LIG1: variants seen among roughly 807,000 people sequenced by gnomAD.
The protein encoded by LIG1 is ligase I, DNA, ATP-dependent.
A neutral mutation model predicts 115.7 loss-of-function variants in LIG1; 70 were observed. The ratio of observed to expected loss-of-function variants is 0.60; its 90% confidence interval spans 0.50 to 0.74. The LOEUF is 0.74. LIG1 is among the 30% of genes least tolerant of loss of function. The pLI is 0.00. For synonymous variants in LIG1, 487 were observed against 495.3 expected, an observed-to-expected ratio of 0.98 and a Z score of 0.22; for missense variants, 1,115 against 1,225.6, an observed-to-expected ratio of 0.91 and a Z score of 1.35.
intron 1 of LIG1, among the ~76,000 whole-genome samples, chr19:48,166,000 G>T (rs147738459): frequency 6.6e-6 from 1 of 152,170 alleles, no homozygotes; most frequent in East Asian, 1.9e-4. Context: ...AATTGTACCC[G>T]CTGGTCTACA....
intron 4 of LIG1, among the ~76,000 whole-genome samples, chr19:48,157,537 GTTTTAT>G (rs1409668617): frequency 6.6e-6 from 1 of 151,898 alleles, no homozygotes; most frequent in Non-Finnish European, 1.5e-5. Flanking sequence ...TCTTCGTATA[GTTTTAT>G]TTTTATTTAT....
intron 3 of LIG1, 80 bp downstream of exon 3, chr19:48,162,182 A>G: frequency 2.2e-6 from 3 of 1,352,898 alleles, no homozygotes; most frequent in South Asian, 1.2e-5. Context: ...GACATTTTGC[A>G]TTAGGTTTGA....
chr19:48,117,255 G>A (rs1234583305), intron 26 of LIG1, among the ~76,000 whole-genome samples: 2 of 151,798 alleles, frequency 1.3e-5, no homozygotes, highest in African/African-American at 2.4e-5. Flanking sequence ...CGCCTCCCAG[G>A]TTCAAGCGAT....
chr19:48,123,719 G>A, intron 21 of LIG1: 1 of 313,170 alleles, frequency 3.2e-6, no homozygotes, highest in South Asian at 2.9e-5. Context: ...CTGAATTCAA[G>A]CGACTGTCTT....
intron 12 of LIG1, among the ~76,000 whole-genome samples, chr19:48,138,844 G>C (rs1015999816): frequency 6.6e-6 from 1 of 152,202 alleles, no homozygotes; most frequent in African/African-American, 2.4e-5. Context: ...GACCCCGTGT[G>C]TGCTGGGTCT....
At position 48,132,840 on chromosome 19, in the gene LIG1, T is replaced by C. The variant is rs891638109; in HGVS notation, c.1725+142A>G. 5 of 523,550 alleles carry C rather than the reference T, an allele frequency of 9.6e-6. No individual in the cohort carries two copies. The African/African-American group carries it at 1.3e-4, about 13-fold the overall frequency. The allele number at this position is 523,550 out of a possible 1,614,324, so 32.4% of individuals were successfully genotyped here. Reference sequence around the variant, plus strand: ...AAAGAACACACTCACTGCATGGAGGTGGATGCTGAAGCCCAGAGAGATGAG... The same window carrying C: ...AAAGAACACACTCACTGCATGGAGGCGGATGCTGAAGCCCAGAGAGATGAG... On this transcript the variant is annotated intron_variant, in intron 18 of 27. Transcript: ENST00000263274.
intron 12 of LIG1, 95 bp downstream of exon 12, chr19:48,139,876 G>T: frequency 1.4e-6 from 2 of 1,409,464 alleles, no homozygotes; most frequent in Non-Finnish European, 1.0e-6. Flanking sequence ...CTGTTTCACA[G>T]CCTCTCTCCA....
chr19:48,161,595 G>A (rs749516694), intron 3 of LIG1, 88 bp from the exon 4 acceptor site: 14 of 1,466,730 alleles, frequency 9.5e-6, no homozygotes, highest in Middle Eastern at 1.7e-4. Flanking sequence ...TTTCTTTGCT[G>A]TTTCCTTCCC....
rs573801920 is a variant in LIG1 at position 48,152,110 on chromosome 19, T to G, written c.467-771A>C. Among the ~76,000 whole-genome samples the G allele has an allele frequency of 5.3e-5, 8 of 152,168 alleles. No homozygotes were observed. In the South Asian group the frequency reaches 1.7e-3, roughly 32 times the overall value. ...TTTACAATAAAATTTGTACTAAAAA[T>G]TGTCAATAAGAAATCAAATCTTTTT... On this transcript the variant is annotated intron_variant, in intron 6 of 27. Transcript: ENST00000263274.
At chr19:48,120,771 A>G in intron 24 of LIG1, 1 of 360,444 alleles carries the variant, frequency 2.8e-6, no homozygotes. Context: ...CCACATTGTG[A>G]TGATGAGGCC....
At chr19:48,119,884 CA>C (rs907698129) in intron 24 of LIG1, among the ~76,000 whole-genome samples, 2 of 152,146 alleles carry the variant, frequency 1.3e-5, no homozygotes, top group Admixed American at 6.5e-5. Flanking sequence ...TTTCACCTAC[CA>C]AAATAGGAAA....
Position 48,123,317 on chromosome 19 carries a change from G to T in LIG1, c.2006C>A (p.Ser669Tyr). 1.2e-6 allele frequency: 2 copies of T among 1,613,242 alleles called. No homozygotes were observed. Among genetic ancestry groups the T allele is most frequent in the South Asian group, 1.1e-5 (1 of 91,078 alleles). Residue 669 changes from serine to tyrosine, a missense_variant and splice_region_variant, in exon 22 of 28, where the codon TCC becomes TAC. Physicochemically the swap from Ser to Tyr is moderately radical, Grantham distance 144 (BLOSUM62 -2). Coordinates refer to ENST00000263274, the MANE Select transcript of LIG1 (RefSeq NM_000234.3). ...AFDLIYLNGE[S>Y]LVREPLSRRR... The stretch of plus-strand genomic sequence containing the variant: ...CCGGGAAAGGGGCTCACGTACCAGG[G>T]ACTGCAGGGCCGGCAGGGAGAAGAG...
rs1484234948 is a variant in LIG1, at chr19:48,162,456, CAG to C, written c.18-107_18-106del. The C allele has an allele frequency of 1.3e-5, 10 of 753,470 alleles. No individual in the cohort carries two copies. The Admixed American group carries it at 1.8e-4, about 13-fold the overall frequency. The allele number at this position is 753,470 out of a possible 1,614,324, so 46.7% of individuals were successfully genotyped here. On this transcript the variant is annotated intron_variant, in intron 2 of 27. Transcript: ENST00000263274. ...TCCTTTTTTTTTTTTTTTTTTGAGA[CAG>C]AGTCTCGCTCTGTAGCCCAGGCTGG...
intron 5 of LIG1, among the ~76,000 whole-genome samples, chr19:48,155,229 C>T (rs567240664): frequency 2.6e-5 from 4 of 152,148 alleles, no homozygotes; most frequent in South Asian, 4.1e-4. Context: ...ACCCACAGCA[C>T]GAAGCCCAGG....
chr19:48,123,177 T>C lies in LIG1; in HGVS notation c.2146A>G (p.Lys716Glu), dbSNP rs201550323. ...QIAEFLEQSV[K>E]DSCEGLMVKT... ...AGAGAAAAGTGAGCACCCTCACCTT[T>C]CACTGACTGCTCCAGGAACTCGGCG... The change falls in exon 22 of 28, where the codon AAA becomes GAA. Residue 716 changes from lysine (K) to glutamate (E), a missense_variant. By Grantham distance (56) the Lys-to-Glu change is moderately conservative. Transcript: ENST00000263274. 1.9e-6 allele frequency: 3 copies of C among 1,613,964 alleles called. No homozygotes were observed. The highest frequency in any genetic ancestry group is 2.5e-6 in the Non-Finnish European group (3 of 1,179,994).
In LIG1 at chr19:48,148,185, G is replaced by C. The variant is rs574784564; in HGVS notation, c.776+1578C>G. On this transcript the variant is annotated intron_variant, in intron 9 of 27. Coordinates refer to ENST00000263274, the MANE Select transcript of LIG1 (RefSeq NM_000234.3). ...CCGGGGTCAAGCATGTTCAGAAGCA[G>C]GGAGGAGGCTGGGTGTGGTGGCTCA... Among the ~76,000 whole-genome samples the C allele has an allele frequency of 2.0e-5, 3 of 152,216 alleles. No homozygotes were observed. In the East Asian group the frequency reaches 5.8e-4, roughly 29 times the overall value.
Position 48,167,847 on chromosome 19 carries a change from A to C in LIG1, c.-57-2224T>G, listed in dbSNP as rs542931761. On this transcript the variant is annotated intron_variant, in intron 1 of 27. Coordinates refer to ENST00000263274, the MANE Select transcript of LIG1 (RefSeq NM_000234.3). Reference sequence around the variant, plus strand: ...TCTTAAAAAAAAAAAAAAAAAAAAAAAAACAAACAAAAAAGAAACTCAGCA... The same window carrying C: ...TCTTAAAAAAAAAAAAAAAAAAAAACAAACAAACAAAAAAGAAACTCAGCA... 1.6e-3 allele frequency among the ~76,000 whole-genome samples: 244 copies of C among 151,340 alleles called. 1 individual carries two copies. The highest frequency in any genetic ancestry group is 3.4e-3 in the Middle Eastern group (1 of 294).
In LIG1 at chr19:48,130,418, G is replaced by A. The variant is rs551713789; in HGVS notation, c.1821+658C>T. ...TCGAACAGGCACGAGACCCCTACTG[G>A]GTGCAGAGAAGTCCCCAACTCTGGG... On this transcript the variant is annotated intron_variant, in intron 19 of 27. Transcript: ENST00000263274. 2.5e-4 allele frequency among the ~76,000 whole-genome samples: 38 copies of A among 152,326 alleles called. 1 individual carries two copies. The South Asian group carries it at 7.7e-3, about 31-fold the overall frequency.
In LIG1 at chr19:48,150,452, T is replaced by C. The variant is rs181896716; in HGVS notation, c.575-242A>G. ...ACTTAGGAATAGTGGTAAAAAGAAA[T>C]CTCATCGTCATGAGAAGAAAATATT... On this transcript the variant is annotated intron_variant, in intron 7 of 27. Coordinates refer to ENST00000263274, the MANE Select transcript of LIG1 (RefSeq NM_000234.3). 3.1e-4 allele frequency among the ~76,000 whole-genome samples: 47 copies of C among 152,080 alleles called. No homozygotes were observed. The East Asian group carries it at 8.9e-3, about 29-fold the overall frequency.
Sources: gnomAD v4.1 joint callset for allele counts (sites outside exome capture counted in the v4.1 genomes callset) on GRCh38, gnomAD v4.1.1 for gene constraint, MANE v1.5 for transcripts, NCBI Gene and HGNC (gene_info 2026-07-23, HGNC 2026-07-21) for gene names.